The following HERC2 variants were observed in gnomAD, a reference collection of about 807,000 sequenced individuals.
HERC2 encodes HECT and RLD domain containing E3 ubiquitin protein ligase 2, also known as E3 ubiquitin-protein ligase HERC2.
Under a neutral mutation model 537.7 loss-of-function variants are expected in HERC2, and 102 were observed. The observed-to-expected ratio is 0.19, with a 90% CI of 0.16 to 0.22. The LOEUF (loss-of-function observed/expected upper bound fraction) is 0.22. Ranked by LOEUF, HERC2 falls within the 10% of genes least tolerant of loss-of-function variation. The pLI is 1.00. For synonymous variants in HERC2, 2,224 were observed against 2,466.2 expected (o/e 0.90, Z 2.91); for missense variants, 4,236 against 6,198.2 (o/e 0.68, Z 10.63).
chr15:28,303,814 T>C (rs1430543172), intron 2 of HERC2, among the ~76,000 whole-genome samples: 1 of 152,210 alleles, frequency 6.6e-6, no homozygotes, highest in East Asian at 1.9e-4. Flanking sequence ...TTTGTAGCTA[T>C]TATAAATGGA....
intron 59 of HERC2, among the ~76,000 whole-genome samples, chr15:28,178,049 C>T (rs1895461859): frequency 6.6e-6 from 1 of 152,308 alleles, no homozygotes; most frequent in South Asian, 2.1e-4. Context: ...TGAGTTCCTG[C>T]CAACTCCTGG....
chr15:28,256,226 A>G lies in HERC2; in HGVS notation c.2609T>C (p.Val870Ala), dbSNP rs2075256974. The change falls in exon 18 of 93, where the codon GTG becomes GCG. Residue 870 changes from valine (V) to alanine (A), a missense_variant. By Grantham distance (64) the Val-to-Ala change is moderately conservative. Transcript: ENST00000261609. The part of the protein sequence containing the change: ...ILLNSLKQTV[V>A]TLASSAGVLS... ...CACGCCCGCACTGCTGGCCAGGGTC[A>G]CCACCGTCTGCTTCAGGCTGTTCAG... 1 of 1,599,804 alleles carries G rather than the reference A, an allele frequency of 6.3e-7. No individual in the cohort carries two copies. Among genetic ancestry groups the G allele is most frequent in the African/African-American group, 1.3e-5 (1 of 74,880 alleles).
At chr15:28,275,143 T>G (rs2075837422) in intron 5 of HERC2, 138 bp from the exon 6 acceptor site, 2 of 490,136 alleles carry the variant, frequency 4.1e-6, no homozygotes, top group Admixed American at 3.4e-5. Flanking sequence ...CAAGTGGATT[T>G]TTCGTTTTGT....
At chr15:28,275,956 A>G (rs995944215) in intron 5 of HERC2, among the ~76,000 whole-genome samples, 1 of 152,160 alleles carries the variant, frequency 6.6e-6, no homozygotes, top group Admixed American at 6.5e-5. Flanking sequence ...ATCAGGGGAA[A>G]TCCTATAAAA....
At chr15:28,161,976 C>T (rs1893644760) in intron 69 of HERC2, among the ~76,000 whole-genome samples, 1 of 152,186 alleles carries the variant, frequency 6.6e-6, no homozygotes, top group African/African-American at 2.4e-5. Flanking sequence ...CTACTTTATT[C>T]TTACATCAAA....
chr15:28,158,907 CAGG>C (rs1260149039), intron 69 of HERC2, among the ~76,000 whole-genome samples: 1 of 152,136 alleles, frequency 6.6e-6, no homozygotes, highest in East Asian at 1.9e-4. Flanking sequence ...GTGCTTCCTT[CAGG>C]AGTTCTTTTA....
At chr15:28,312,214 T>TTA (rs1284241918) in intron 2 of HERC2, among the ~76,000 whole-genome samples, 1 of 152,192 alleles carries the variant, frequency 6.6e-6, no homozygotes, top group African/African-American at 2.4e-5. Context: ...CTCCAGAGAG[T>TTA]TAGACTGTGA....
At chr15:28,151,338 A>G (rs984902076) in intron 70 of HERC2, among the ~76,000 whole-genome samples, 2 of 152,130 alleles carry the variant, frequency 1.3e-5, no homozygotes, top group African/African-American at 4.8e-5. Context: ...GCAAGGTGGC[A>G]TGTGTCTGTA....
intron 2 of HERC2, among the ~76,000 whole-genome samples, chr15:28,306,505 T>G (rs1226077352): frequency 6.6e-6 from 1 of 152,260 alleles, no homozygotes; most frequent in Non-Finnish European, 1.5e-5. Flanking sequence ...GCATCAATGT[T>G]CATCTGGGAT....
rs550329386 is a variant in HERC2 at position 28,303,791 on chromosome 15, G to A, written c.73-4275C>T. ...CTTCTTGGGTTAGTTTTATTCCTAC[G>A]TATTTTACTTTATTTGTAGCTATTA... On this transcript the variant is annotated intron_variant, in intron 2 of 92. Transcript: ENST00000261609. Among the ~76,000 whole-genome samples, 6 of 152,128 alleles carry A rather than the reference G, an allele frequency of 3.9e-5. No homozygotes were observed. The South Asian group carries it at 6.2e-4, about 16-fold the overall frequency.
chr15:28,229,528 T>C lies in HERC2; in HGVS notation c.5052A>G (p.Leu1684=). ...TILKLASKNF[L]LPSVQYAMFC... ...ACATCGCATACTGCACAGATGGAAG[T>C]AAGAAATTCTTGCTCGCCAGTTTTA... Residue 1684 remains leucine (L), a synonymous_variant, in exon 33 of 93, where the codon TTA becomes TTG. Coordinates refer to ENST00000261609, the MANE Select transcript of HERC2 (RefSeq NM_004667.6). The C allele has an allele frequency of 6.2e-7, 1 of 1,613,848 alleles. No homozygotes were observed. The highest frequency in any genetic ancestry group is 1.1e-5 in the South Asian group (1 of 91,064).
chr15:28,245,538 T>C (rs1427435975), intron 23 of HERC2, among the ~76,000 whole-genome samples: 1 of 139,142 alleles, frequency 7.2e-6, no homozygotes, highest in Non-Finnish European at 1.5e-5. Context: ...CAGAGCAAGA[T>C]GTAGTGTCAA....
chr15:28,306,541 A>C (rs1275770078), intron 2 of HERC2, among the ~76,000 whole-genome samples: 2 of 152,030 alleles, frequency 1.3e-5, no homozygotes, highest in African/African-American at 4.8e-5. Context: ...TTTTTTGATT[A>C]TGTCTTTGTC....
chr15:28,179,503 A>C (rs1261596937), intron 57 of HERC2, among the ~76,000 whole-genome samples: 2 of 152,260 alleles, frequency 1.3e-5, no homozygotes, highest in African/African-American at 4.8e-5. Flanking sequence ...CTGTGCTGCC[A>C]GCTACATATC....
At chr15:28,224,393 CGTATTTTTT>C (rs1362415065) in intron 35 of HERC2, among the ~76,000 whole-genome samples, 1 of 151,984 alleles carries the variant, frequency 6.6e-6, no homozygotes, top group Non-Finnish European at 1.5e-5. Context: ...AGCTAGTTTT[CGTATTTTTT>C]GTAGAGACAG....
intron 19 of HERC2, among the ~76,000 whole-genome samples, chr15:28,255,317 G>C (rs2075222407): frequency 1.3e-5 from 2 of 152,162 alleles, no homozygotes; most frequent in Admixed American, 1.3e-4. Context: ...CTCGGTGACA[G>C]AGCAAGACGC....
intron 83 of HERC2, among the ~76,000 whole-genome samples, chr15:28,129,203 C>T (rs947062886): frequency 3.9e-5 from 6 of 152,344 alleles, no homozygotes; most frequent in East Asian, 1.9e-4. Context: ...CACTCCTCCT[C>T]ACAGTTACAG....
chr15:28,293,606 G>C (rs532310360), intron 3 of HERC2, among the ~76,000 whole-genome samples: 17 of 151,804 alleles, frequency 1.1e-4, no homozygotes, highest in East Asian at 7.8e-4. Flanking sequence ...TTAAGTCTTT[G>C]ATATTTACCT....
chr15:28,259,249 C>G (rs993607969), intron 16 of HERC2, among the ~76,000 whole-genome samples: 4 of 152,048 alleles, frequency 2.6e-5, no homozygotes, highest in Non-Finnish European at 5.9e-5. Flanking sequence ...CGCACATCAC[C>G]AAGCTCGACG....
Sources: gnomAD v4.1 joint callset for allele counts (sites outside exome capture counted in the v4.1 genomes callset) on GRCh38, gnomAD v4.1.1 for gene constraint, MANE v1.5 for transcripts, NCBI Gene and HGNC (gene_info 2026-07-23, HGNC 2026-07-21) for gene names.